ZNRF1: variants seen among roughly 807,000 people sequenced by gnomAD.
The protein encoded by ZNRF1 is E3 ubiquitin-protein ligase ZNRF1.
Under a neutral mutation model 18.4 loss-of-function variants are expected in ZNRF1, and 3 were observed. The observed-to-expected ratio is 0.16, with a 90% CI of 0.07 to 0.42. ZNRF1 has a LOEUF of 0.42. ZNRF1 is among the 10% of genes least tolerant of loss of function. ZNRF1 has a pLI of 0.99. For synonymous variants in ZNRF1, 157 were observed against 144.2 expected (o/e 1.09, Z -0.64); for missense variants, 310 against 329.8 (o/e 0.94, Z 0.47).
At chr16:75,066,856 C>A (rs1437197462) in intron 1 of ZNRF1, among the ~76,000 whole-genome samples, 1 of 152,124 alleles carries the variant, frequency 6.6e-6, no homozygotes, top group Admixed American at 6.5e-5. Context: ...CTTAGAAATT[C>A]AGGGCTATTT....
chr16:75,025,514 T>C (rs1426403926), intron 1 of ZNRF1, among the ~76,000 whole-genome samples: 1 of 152,166 alleles, frequency 6.6e-6, no homozygotes, highest in African/African-American at 2.4e-5. Flanking sequence ...TTAGGGACCA[T>C]ATCTACCATT....
At chr16:75,029,968 A>T (rs1460261690) in intron 1 of ZNRF1, among the ~76,000 whole-genome samples, 1 of 149,224 alleles carries the variant, frequency 6.7e-6, no homozygotes, top group Non-Finnish European at 1.5e-5. Flanking sequence ...GAGGCCAAGG[A>T]GGGAAGATTG....
At chr16:75,045,311 A>T (rs1249922664) in intron 1 of ZNRF1, among the ~76,000 whole-genome samples, 5 of 152,178 alleles carry the variant, frequency 3.3e-5, no homozygotes. Flanking sequence ...TTGCATTTGC[A>T]TTATGGTTTT....
At chr16:75,075,122 A>G (rs901558001) in intron 1 of ZNRF1, among the ~76,000 whole-genome samples, 2 of 151,874 alleles carry the variant, frequency 1.3e-5, no homozygotes, top group African/African-American at 4.8e-5. Context: ...GTAAATGGAG[A>G]GGCTCCTCCT....
At chr16:75,045,070 G>A (rs565609148) in intron 1 of ZNRF1, among the ~76,000 whole-genome samples, 1 of 152,294 alleles carries the variant, frequency 6.6e-6, no homozygotes, top group South Asian at 2.1e-4. Flanking sequence ...CTTCTGGCAG[G>A]TGTCCTGGTT....
intron 1 of ZNRF1, among the ~76,000 whole-genome samples, chr16:75,049,569 G>A (rs966477949): frequency 6.6e-6 from 1 of 152,120 alleles, no homozygotes; most frequent in African/African-American, 2.4e-5. Context: ...GGCTGAGATG[G>A]GCAGATCACT....
At chr16:75,041,088 C>T (rs182875911) in intron 1 of ZNRF1, among the ~76,000 whole-genome samples, 87 of 152,280 alleles carry the variant, frequency 5.7e-4, no homozygotes, top group Admixed American at 7.2e-4. Context: ...AATGATGCTG[C>T]TGTGAACATT....
chr16:75,094,706 G>A (rs558157658), intron 2 of ZNRF1, among the ~76,000 whole-genome samples: 1 of 152,266 alleles, frequency 6.6e-6, no homozygotes, highest in South Asian at 2.1e-4. Flanking sequence ...GTTTTCCAGA[G>A]CCCACAGACT....
At chr16:75,054,914 C>G (rs1371410924) in intron 1 of ZNRF1, among the ~76,000 whole-genome samples, 1 of 152,230 alleles carries the variant, frequency 6.6e-6, no homozygotes, top group Non-Finnish European at 1.5e-5. Flanking sequence ...GAGGATCTGA[C>G]TCTCTTCTTG....
intron 1 of ZNRF1, among the ~76,000 whole-genome samples, chr16:75,045,716 C>CTTT (rs895489865): frequency 2.3e-5 from 3 of 130,372 alleles, no homozygotes; most frequent in African/African-American, 5.6e-5. Flanking sequence ...TCTTCTTCGT[C>CTTT]TTTTTTTTTT....
chr16:75,041,192 C>T (rs2145361950), intron 1 of ZNRF1, among the ~76,000 whole-genome samples: 1 of 152,254 alleles, frequency 6.6e-6, no homozygotes, highest in East Asian at 1.9e-4. Context: ...AGTGGCTGTA[C>T]ATTTTACATT....
intron 1 of ZNRF1, among the ~76,000 whole-genome samples, chr16:75,060,284 C>T (rs535032953): frequency 6.6e-6 from 1 of 152,064 alleles, no homozygotes; most frequent in Admixed American, 6.6e-5. Flanking sequence ...AAACTCCTGA[C>T]GTTGTGATCC....
chr16:75,013,055 TCAA>T (rs2035019820), intron 1 of ZNRF1, among the ~76,000 whole-genome samples: 1 of 152,208 alleles, frequency 6.6e-6, no homozygotes, highest in Non-Finnish European at 1.5e-5. Context: ...GATACATCCT[TCAA>T]CAATGACTTT....
chr16:75,096,913 C>T (rs1459459686), intron 2 of ZNRF1, among the ~76,000 whole-genome samples: 5 of 152,058 alleles, frequency 3.3e-5, no homozygotes, highest in African/African-American at 7.2e-5. Context: ...CCTGGTGCTC[C>T]GAGGACAGGC....
rs2034823619 is a variant in ZNRF1, at chr16:75,000,145, C to CTTG, written c.424+50_424+51insTTG. 1.9e-6 allele frequency: 3 copies of CTTG among 1,565,076 alleles called. No homozygotes were observed. The East Asian group carries it at 7.0e-5, about 37-fold the overall frequency. ...TCGGAGGGAGGGCGCGCCGGGGCGC[C>CTTG]CCAAGCCTTCGCGTGCGTGCCAAGG... On this transcript the variant is annotated intron_variant, in intron 1 of 4. Coordinates refer to ENST00000335325, the MANE Select transcript of ZNRF1 (RefSeq NM_032268.5).
rs1335392049 is a variant in ZNRF1, at chr16:75,107,881, G to C, written c.*181G>C. On this transcript the variant is annotated 3_prime_UTR_variant, in exon 5 of 5. Coordinates refer to ENST00000335325, the MANE Select transcript of ZNRF1 (RefSeq NM_032268.5). ...TCCCTGAGGACACCAAATTGGATGA[G>C]AGCAAGTTTGAGAGAAGAATGAATC... is the stretch of plus-strand genomic sequence containing the variant. The C allele has an allele frequency of 2.3e-6, 1 of 440,406 alleles. No individual in the cohort carries two copies. Among genetic ancestry groups the C allele is most frequent in the Admixed American group, 2.4e-5 (1 of 41,432 alleles). The allele number at this position is 440,406 out of a possible 1,614,324, so 27.3% of individuals were successfully genotyped here. A position where few individuals can be genotyped will look rare whatever the true frequency, so the allele number is the denominator to read the frequency against.
chr16:75,082,667 C>T (rs1445662956), intron 1 of ZNRF1, among the ~76,000 whole-genome samples: 3 of 152,206 alleles, frequency 2.0e-5, no homozygotes, highest in Admixed American at 6.5e-5. Context: ...CATCCTCCTG[C>T]CTCAGCCTCC....
At chr16:75,031,059 A>C (rs1214750074) in intron 1 of ZNRF1, among the ~76,000 whole-genome samples, 1 of 151,510 alleles carries the variant, frequency 6.6e-6, no homozygotes, top group Non-Finnish European at 1.5e-5. Flanking sequence ...GCTCGTCTTG[A>C]ACGCCTGACC....
intron 1 of ZNRF1, among the ~76,000 whole-genome samples, chr16:75,086,551 G>T (rs1055807778): frequency 3.9e-5 from 6 of 152,246 alleles, no homozygotes. Context: ...GAGGGAGTCT[G>T]TGTCTTTGAG....
Sources: allele counts gnomAD v4.1 joint callset (sites outside exome capture counted in the v4.1 genomes callset), GRCh38; gene constraint gnomAD v4.1.1; transcripts MANE v1.5; gene names NCBI Gene and HGNC (gene_info 2026-07-23, HGNC 2026-07-21).